Variants in NTM observed in about 807,000 individuals in gnomAD.
The protein encoded by NTM is neurotrimin, also known as IgLON family member 2.
A neutral mutation model predicts 42.1 loss-of-function variants in NTM; 13 were observed. The observed-to-expected ratio is 0.31, with a 90% confidence interval of 0.20 to 0.49. The LOEUF (loss-of-function observed/expected upper bound fraction) is 0.49, where lower values mean the gene tolerates loss of function less well. Ranked by LOEUF, NTM falls within the 20% of genes least tolerant of loss-of-function variation. The pLI, the probability that NTM is intolerant of heterozygous loss-of-function variation, is 0.99. For missense variants in NTM, 373 were observed against 452.8 expected, an observed-to-expected ratio of 0.82 and a Z score of 1.60; for synonymous variants, 187 against 179.2, an observed-to-expected ratio of 1.04 and a Z score of -0.35.
intron 3 of NTM, among the ~76,000 whole-genome samples, chr11:132,182,832 A>G (rs1253101135): frequency 6.6e-6 from 1 of 152,070 alleles, no homozygotes; most frequent in Non-Finnish European, 1.5e-5. Flanking sequence ...ATCAAATTCT[A>G]CCACTGACCT....
intron 1 of NTM, among the ~76,000 whole-genome samples, chr11:131,738,759 C>T (rs1260955125): frequency 6.6e-6 from 1 of 152,068 alleles, no homozygotes; most frequent in Non-Finnish European, 1.5e-5. Flanking sequence ...TTGACATCTA[C>T]AAGGTGAATG....
intron 1 of NTM, among the ~76,000 whole-genome samples, chr11:131,458,689 C>A (rs1022181036): frequency 2.0e-5 from 3 of 152,230 alleles, no homozygotes; most frequent in African/African-American, 7.2e-5. Context: ...CTACAGAAAA[C>A]ATTTGCTGAA....
At chr11:132,304,014 T>C (rs2094974877) in intron 4 of NTM, among the ~76,000 whole-genome samples, 1 of 152,148 alleles carries the variant, frequency 6.6e-6, no homozygotes, top group Non-Finnish European at 1.5e-5. Context: ...GGGTAGAGAA[T>C]TGGTTTCTTC....
At chr11:132,038,379 A>C (rs929536644) in intron 2 of NTM, among the ~76,000 whole-genome samples, 1 of 152,044 alleles carries the variant, frequency 6.6e-6, no homozygotes, top group African/African-American at 2.4e-5. Flanking sequence ...CACGGGTGTG[A>C]TTGAGGACAG....
intron 1 of NTM, among the ~76,000 whole-genome samples, chr11:131,840,253 G>T (rs2044059123): frequency 6.6e-6 from 1 of 152,300 alleles, no homozygotes; most frequent in Non-Finnish European, 1.5e-5. Context: ...AACGCCTAAG[G>T]ATTGAATCCT....
At chr11:131,901,073 T>G (rs2053091647) in intron 1 of NTM, among the ~76,000 whole-genome samples, 1 of 152,252 alleles carries the variant, frequency 6.6e-6, no homozygotes. Flanking sequence ...AGCAACCATT[T>G]GTGGAGTTGG....
At chr11:131,794,672 AC>A in intron 1 of NTM, 1 of 985,332 alleles carries the variant, frequency 1.0e-6, no homozygotes, top group Non-Finnish European at 1.2e-6. Context: ...GCAAAACTGC[AC>A]CTTTTAGAAG....
intron 3 of NTM, among the ~76,000 whole-genome samples, chr11:132,184,985 C>T (rs1449017215): frequency 6.6e-6 from 1 of 152,132 alleles, no homozygotes; most frequent in East Asian, 1.9e-4. Flanking sequence ...TCTGCCACAG[C>T]ACGCTGGATT....
At chr11:131,793,822 C>T (rs145312707) in intron 1 of NTM, among the ~76,000 whole-genome samples, 20 of 152,278 alleles carry the variant, frequency 1.3e-4, no homozygotes, top group South Asian at 6.2e-4. Flanking sequence ...CATCAGCATA[C>T]GGGCTGAGGG....
chr11:131,789,829 G>T (rs769895536), intron 1 of NTM, among the ~76,000 whole-genome samples: 6 of 150,802 alleles, frequency 4.0e-5, no homozygotes, highest in South Asian at 2.1e-4. Flanking sequence ...GGTGGCGGGA[G>T]CCTGTAGTCC....
chr11:131,488,239 G>C (rs1281749624), intron 1 of NTM, among the ~76,000 whole-genome samples: 3 of 152,138 alleles, frequency 2.0e-5, no homozygotes, highest in Admixed American at 6.5e-5. Context: ...AGGTTGGCCG[G>C]GTGGTCTTTC....
intron 1 of NTM, among the ~76,000 whole-genome samples, chr11:131,893,519 G>A (rs1182225879): frequency 4.6e-5 from 7 of 152,064 alleles, no homozygotes; most frequent in Admixed American, 4.6e-4. Context: ...TGAGAGTGAG[G>A]GAATAAACGA....
chr11:131,638,039 A>T (rs2064637778), intron 1 of NTM, among the ~76,000 whole-genome samples: 2 of 152,160 alleles, frequency 1.3e-5, no homozygotes, highest in Admixed American at 1.3e-4. Context: ...CAAGCGTAAC[A>T]CAAGCCTTAA....
intron 3 of NTM, among the ~76,000 whole-genome samples, chr11:132,202,324 TAGA>T (rs2081286234): frequency 6.6e-6 from 1 of 152,180 alleles, no homozygotes; most frequent in South Asian, 2.1e-4. Context: ...GTGCTCGGAA[TAGA>T]AGGTGTTTGG....
chr11:131,856,831 C>T (rs944212995), intron 1 of NTM, among the ~76,000 whole-genome samples: 1 of 152,156 alleles, frequency 6.6e-6, no homozygotes, highest in African/African-American at 2.4e-5. Context: ...TCTAATAGCC[C>T]ATTTTACAGG....
chr11:131,698,841 G>A (rs2075767683), intron 1 of NTM, among the ~76,000 whole-genome samples: 1 of 152,182 alleles, frequency 6.6e-6, no homozygotes, highest in Admixed American at 6.5e-5. Context: ...CTGAGAGAAA[G>A]CCTATGTGTC....
chr11:131,624,866 A>G (rs1322522437), intron 1 of NTM, among the ~76,000 whole-genome samples: 1 of 152,178 alleles, frequency 6.6e-6, no homozygotes, highest in Non-Finnish European at 1.5e-5. Context: ...GGAGGTGGTG[A>G]TGATCAGGCA....
intron 2 of NTM, among the ~76,000 whole-genome samples, chr11:132,047,566 C>T (rs2078196210): frequency 6.6e-6 from 1 of 152,216 alleles, no homozygotes; most frequent in Non-Finnish European, 1.5e-5. Context: ...ACTGGGATTC[C>T]TGGTCTGCGA....
In NTM at chr11:132,335,721, C is replaced by T. The variant is rs1005522018; in HGVS notation, c.*575C>T. On this transcript the variant is annotated 3_prime_UTR_variant, in exon 9 of 9. Transcript: ENST00000683400. ...TCCCACAAACAAGTCACAAAAGATA[C>T]CGTTAAACTTTTTTTTTTTTTTATC... 1.3e-5 allele frequency: 2 copies of T among 149,508 alleles called. No homozygotes were observed. The highest frequency in any genetic ancestry group is 2.9e-5 in the Non-Finnish European group (2 of 67,902). 9.3% of individuals were successfully genotyped at this position (149,508 alleles called of 1,614,324 possible).
Sources: gnomAD v4.1 joint callset for allele counts (sites outside exome capture counted in the v4.1 genomes callset) on GRCh38, gnomAD v4.1.1 for gene constraint, MANE v1.5 for transcripts, NCBI Gene and HGNC (gene_info 2026-07-23, HGNC 2026-07-21) for gene names.